ST7: variants seen among roughly 807,000 people sequenced by gnomAD.
The protein encoded by ST7 is suppressor of tumorigenicity 7 protein.
ST7 carries 28 observed loss-of-function variants against 78.7 expected under a neutral mutation model. The observed-to-expected ratio is 0.36, with a 90% confidence interval of 0.26 to 0.49. The LOEUF is 0.49. ST7 is among the 20% of genes least tolerant of loss of function. The pLI is 0.99. For missense variants in ST7, 418 were observed against 696.0 expected (o/e 0.60, Z 4.49); for synonymous variants, 247 against 249.6 (o/e 0.99, Z 0.10).
intron 2 of ST7, among the ~76,000 whole-genome samples, chr7:117,111,083 C>T (rs1802391938): frequency 7.0e-6 from 1 of 143,444 alleles, no homozygotes; most frequent in South Asian, 2.1e-4. Context: ...AGCTTGTTGA[C>T]ATGCCTAGCC....
At chr7:117,127,681 A>G (rs1034474896) in intron 3 of ST7, among the ~76,000 whole-genome samples, 1 of 151,894 alleles carries the variant, frequency 6.6e-6, no homozygotes. Flanking sequence ...CATATATGAC[A>G]CCAATGTTAA....
chr7:117,040,540 G>A (rs1038213643), intron 1 of ST7, among the ~76,000 whole-genome samples: 11 of 152,212 alleles, frequency 7.2e-5, no homozygotes, highest in Admixed American at 2.0e-4. Context: ...TTTGCTCTTC[G>A]CATAGTAAAT....
chr7:117,081,676 G>A (rs954655432), intron 1 of ST7, among the ~76,000 whole-genome samples: 3 of 152,164 alleles, frequency 2.0e-5, no homozygotes, highest in Admixed American at 6.5e-5. Context: ...AGTGAATGAG[G>A]AATTCAGATA....
At chr7:117,039,751 A>G (rs1265882454) in intron 1 of ST7, among the ~76,000 whole-genome samples, 1 of 152,148 alleles carries the variant, frequency 6.6e-6, no homozygotes. Context: ...CCTCCTCTCT[A>G]CACTGCACTT....
intron 9 of ST7, among the ~76,000 whole-genome samples, chr7:117,151,234 G>A (rs941765802): frequency 3.3e-5 from 5 of 152,218 alleles, no homozygotes; most frequent in Non-Finnish European, 7.3e-5. Context: ...CTTTAGAATA[G>A]AATGCAAACT....
intron 1 of ST7, among the ~76,000 whole-genome samples, chr7:117,096,067 CAAAAAAAA>C (rs35970973): frequency 8.4e-5 from 3 of 35,674 alleles, no homozygotes; most frequent in East Asian, 1.2e-3. Flanking sequence ...GATTCTGCCT[CAAAAAAAA>C]AAAAAAAAAA....
In ST7 at chr7:117,219,108, T is replaced by A; in HGVS notation, c.1430T>A (p.Leu477Ter). 1 of 1,613,586 alleles carries A rather than the reference T, an allele frequency of 6.2e-7. No individual in the cohort carries two copies. The highest frequency in any genetic ancestry group is 8.5e-7 in the Non-Finnish European group (1 of 1,179,776). ...GCTTTTCGGATGATCCCTTATCCCTTGGAAAAGGGGCACCTATTTTATCCT... is the reference window on the plus strand; with the variant it reads ...GCTTTTCGGATGATCCCTTATCCCTAGGAAAAGGGGCACCTATTTTATCCT... Reference protein sequence around the residue: ...EGTFRMIPYPLEKGHLFYPYP... With the variant: ...EGTFRMIPYP Residue 477 changes from leucine (L) to a stop codon, truncating the protein, a stop_gained, in exon 14 of 16, where the codon TTG becomes TAG. Transcript: ENST00000323984. LOFTEE classifies it high-confidence loss of function. This position sits in a 1 kb window ranked among gnomAD's most constrained non-coding sequence, Gnocchi z 5.1.
chr7:117,044,634 T>G (rs2116317921), intron 1 of ST7, among the ~76,000 whole-genome samples: 1 of 152,282 alleles, frequency 6.6e-6, no homozygotes, highest in Non-Finnish European at 1.5e-5. Context: ...ATCATACCAT[T>G]TCATTCAGGG....
chr7:117,002,131 G>A (rs1417912575), intron 1 of ST7, among the ~76,000 whole-genome samples: 4 of 152,112 alleles, frequency 2.6e-5, no homozygotes, highest in Non-Finnish European at 5.9e-5. Context: ...GGGAGGCTGA[G>A]GCAGGAGAAT....
intron 1 of ST7, among the ~76,000 whole-genome samples, chr7:116,975,780 G>T (rs964274687): frequency 2.0e-5 from 3 of 151,982 alleles, no homozygotes; most frequent in Admixed American, 6.6e-5. Flanking sequence ...ATAGAAAAAG[G>T]GTGTTTCAGA....
At chr7:117,013,253 A>T (rs1218334476) in intron 1 of ST7, among the ~76,000 whole-genome samples, 3 of 152,370 alleles carry the variant, frequency 2.0e-5, no homozygotes, top group African/African-American at 7.2e-5. Context: ...CAATCATAAC[A>T]TTAATGTTCT....
intron 2 of ST7, chr7:117,112,316 A>G (rs1802497255): frequency 6.6e-6 from 1 of 152,190 alleles, no homozygotes; most frequent in African/African-American, 2.4e-5. Context: ...CTATTTATTG[A>G]GTTACCACTC....
rs548644262 is a variant in ST7, at chr7:117,041,806, A to G, written c.152-57956A>G. Among the ~76,000 whole-genome samples, 78 of 152,310 alleles carry G rather than the reference A, an allele frequency of 5.1e-4. 1 individual carries two copies. The highest frequency in any genetic ancestry group is 7.2e-4 in the Non-Finnish European group (49 of 68,022). ...TGAAACCTGTGGATATGTTATATTA[A>G]ATGGCAAAGGGAAATTAAGGTTTAA... On this transcript the variant is annotated intron_variant, in intron 1 of 15. Coordinates refer to ENST00000323984, the MANE Select transcript of ST7 (RefSeq NM_001369598.1).
At chr7:116,958,486 C>T in intron 1 of ST7, 54 of 301,710 alleles carry the variant, frequency 1.8e-4, no homozygotes, top group East Asian at 7.7e-4. Flanking sequence ...ATTGGATTTC[C>T]CTTCTAGAGG....
chr7:117,095,045 C>A (rs1386792129), intron 1 of ST7, among the ~76,000 whole-genome samples: 1 of 152,114 alleles, frequency 6.6e-6, no homozygotes, highest in Non-Finnish European at 1.5e-5. Flanking sequence ...CTAGTCAGTA[C>A]CTCCAAGGCA....
At chr7:116,955,079 A>C in intron 1 of ST7, 1 of 470,280 alleles carries the variant, frequency 2.1e-6, no homozygotes, top group Middle Eastern at 3.3e-4. Flanking sequence ...TGTCATCGGA[A>C]AGACCATGGC....
intron 15 of ST7, chr7:117,222,945 C>T (rs1426118905): frequency 1.1e-5 from 18 of 1,613,766 alleles, no homozygotes; most frequent in Non-Finnish European, 1.4e-5. Context: ...ACTGGAAATC[C>T]CTCCGGCACC....
chr7:117,026,569 G>A (rs1463317979), intron 1 of ST7, among the ~76,000 whole-genome samples: 1 of 152,184 alleles, frequency 6.6e-6, no homozygotes, highest in Non-Finnish European at 1.5e-5. Context: ...GCAATTTAAT[G>A]CATGTTTAGA....
At chr7:117,163,701 C>G (rs1807328950) in intron 9 of ST7, among the ~76,000 whole-genome samples, 2 of 152,068 alleles carry the variant, frequency 1.3e-5, no homozygotes, top group South Asian at 2.1e-4. Context: ...TTAATCCCGT[C>G]AGAGAAGCAG....
Sources: allele counts gnomAD v4.1 joint callset (sites outside exome capture counted in the v4.1 genomes callset), GRCh38; gene constraint gnomAD v4.1.1; non-coding constraint Gnocchi (gnomAD v3.1); transcripts MANE v1.5; gene names NCBI Gene and HGNC (gene_info 2026-07-23, HGNC 2026-07-21).